Variants in ZNF730 observed in about 807,000 individuals in gnomAD.
ZNF730 encodes putative zinc finger protein 730.
A neutral mutation model predicts 12.6 loss-of-function variants in ZNF730; 12 were observed. The observed-to-expected ratio is 0.95, with a 90% CI of 0.61 to 1.54. The LOEUF (loss-of-function observed/expected upper bound fraction) is 1.54. ZNF730 is among the 40% of genes most tolerant of loss of function. The pLI, the probability that ZNF730 is intolerant of heterozygous loss-of-function variation, is 0.00. For missense variants in ZNF730, 643 were observed against 583.5 expected (o/e 1.10, Z -1.05); for synonymous variants, 194 against 195.8 (o/e 0.99, Z 0.08).
chr19:23,085,708 G>A (rs1197426118), intron 1 of ZNF730, among the ~76,000 whole-genome samples: 1 of 150,138 alleles, frequency 6.7e-6, no homozygotes, highest in Non-Finnish European at 1.5e-5. Context: ...TAGAGATAGG[G>A]TTTCACCATG....
intron 1 of ZNF730, among the ~76,000 whole-genome samples, chr19:23,075,840 G>A (rs1297362185): frequency 8.5e-5 from 13 of 152,156 alleles, no homozygotes; most frequent in African/African-American, 3.1e-4. Context: ...CCAGGGTCAA[G>A]CCTCCCAAAG....
intron 1 of ZNF730, among the ~76,000 whole-genome samples, chr19:23,125,142 G>A (rs1476954050): frequency 6.6e-6 from 1 of 152,098 alleles, no homozygotes; most frequent in African/African-American, 2.4e-5. Context: ...CCATGATTGC[G>A]AGGCCTCCCC....
At chr19:23,099,950 G>A (rs1181184322) in intron 1 of ZNF730, 1 of 152,168 alleles carries the variant, frequency 6.6e-6, no homozygotes, top group African/African-American at 2.4e-5. Context: ...GCACTCAGGT[G>A]ATGTGAGTTT....
At chr19:23,081,773 T>A (rs940192841) in intron 1 of ZNF730, among the ~76,000 whole-genome samples, 8 of 152,272 alleles carry the variant, frequency 5.3e-5, no homozygotes, top group Non-Finnish European at 7.4e-5. Flanking sequence ...TATTTATTTG[T>A]TTATAGACAG....
At chr19:23,101,495 T>A (rs1970335421) in intron 1 of ZNF730, among the ~76,000 whole-genome samples, 1 of 152,258 alleles carries the variant, frequency 6.6e-6, no homozygotes, top group Admixed American at 6.5e-5. Context: ...ATATGGAATT[T>A]CTACTCTAAT....
At chr19:23,128,430 G>A in intron 1 of ZNF730, 1 of 370,900 alleles carries the variant, frequency 2.7e-6, no homozygotes, top group Non-Finnish European at 5.1e-6. Flanking sequence ...TCTATGAGAA[G>A]AAGCCCAAGA....
intron 3 of ZNF730, chr19:23,143,822 A>G (rs976652511): frequency 3.9e-5 from 6 of 152,158 alleles, no homozygotes; most frequent in Admixed American, 2.0e-4. Flanking sequence ...CTATGTTTGT[A>G]TATGACACAT....
chr19:23,116,667 C>T (rs538995123), upstream of ZNF730, among the ~76,000 whole-genome samples: 745 of 151,656 alleles, frequency 4.9e-3, 5 homozygotes, highest in Admixed American at 7.8e-3. Flanking sequence ...ATGATCCACC[C>T]GCCTCGGCCC....
chr19:23,145,832 A>C lies in ZNF730; in HGVS notation c.788A>C (p.Lys263Thr). 1.2e-6 allele frequency: 2 copies of C among 1,602,582 alleles called. No homozygotes were observed. Among genetic ancestry groups the C allele is most frequent in the Non-Finnish European group, 8.5e-7 (1 of 1,176,006 alleles). The change falls in exon 4 of 4, where the codon AAA (lysine) becomes ACA (threonine). Residue 263 changes from lysine to threonine, a missense_variant. Transcript: ENST00000597761. ...EKPYQCEKCG[K>T]FFNQSTNLTT... ...CCCTACCAATGTGAGAAATGTGGCAAATTTTTTAACCAATCCACAAACCTT... is the reference window on the plus strand; with the variant it reads ...CCCTACCAATGTGAGAAATGTGGCACATTTTTTAACCAATCCACAAACCTT...
upstream of ZNF730, among the ~76,000 whole-genome samples, chr19:23,115,156 T>G (rs959780325): frequency 6.6e-6 from 1 of 152,074 alleles, no homozygotes; most frequent in Non-Finnish European, 1.5e-5. Flanking sequence ...AAAAACTGTC[T>G]TCTTTTGCAG....
chr19:23,135,763 A>G (rs138281532), intron 2 of ZNF730, among the ~76,000 whole-genome samples, 185 bp from the exon 3 acceptor site: 11,575 of 152,198 alleles, frequency 0.076, 562 homozygotes, highest in Non-Finnish European at 0.11. Context: ...TGCCTGCCTC[A>G]GCCTCCCAAA....
At chr19:23,142,739 T>C (rs1970941539) in intron 3 of ZNF730, among the ~76,000 whole-genome samples, 2 of 149,648 alleles carry the variant, frequency 1.3e-5, no homozygotes, top group South Asian at 4.3e-4. Flanking sequence ...GTTAATTATA[T>C]ATATTTTTAA....
At chr19:23,106,824 G>A (rs1970397408) in intron 1 of ZNF730, among the ~76,000 whole-genome samples, 1 of 151,554 alleles carries the variant, frequency 6.6e-6, no homozygotes, top group Admixed American at 6.6e-5. Context: ...GGAATGAAAG[G>A]TCTTAATTTA....
intron 3 of ZNF730, among the ~76,000 whole-genome samples, chr19:23,137,247 A>G (rs928665219): frequency 2.0e-5 from 3 of 152,152 alleles, no homozygotes; most frequent in African/African-American, 7.2e-5. Flanking sequence ...TTTTAAATTT[A>G]TTTGTGTCTT....
chr19:23,133,906 TTAGAG>T (rs1970780540), intron 1 of ZNF730, among the ~76,000 whole-genome samples, 169 bp from the exon 2 acceptor site: 1 of 152,182 alleles, frequency 6.6e-6, no homozygotes, highest in Non-Finnish European at 1.5e-5. Context: ...TTTCTCAGAG[TTAGAG>T]TATATTTTCA....
Position 23,146,354 on chromosome 19 carries a change from C to A in ZNF730, c.1310C>A (p.Ser437Ter), listed in dbSNP as rs1236681081. 1.2e-6 allele frequency: 2 copies of A among 1,613,516 alleles called. No homozygotes were observed. The highest frequency in any genetic ancestry group is 1.7e-6 in the Non-Finnish European group (2 of 1,179,844). ...TGTGGCAGAGCTTTCAACCAGTCCT[C>A]AACCCTTACTACACATAAAAGAATT... ...EECGRAFNQS[S>*]TLTTHKRIHT... The change falls in exon 4 of 4, where the codon TCA becomes TAA. Residue 437 changes from serine to a stop codon, truncating the protein, a stop_gained. Transcript: ENST00000597761. LOFTEE classifies it low-confidence loss of function (END_TRUNC).
At chr19:23,131,427 A>G (rs1599595439) in intron 1 of ZNF730, among the ~76,000 whole-genome samples, 1 of 152,392 alleles carries the variant, frequency 6.6e-6, no homozygotes, top group East Asian at 1.9e-4. Flanking sequence ...TAAACATTGC[A>G]TTACTGCATG....
intron 1 of ZNF730, among the ~76,000 whole-genome samples, chr19:23,106,971 A>G (rs1970399801): frequency 1.3e-5 from 2 of 152,102 alleles, no homozygotes; most frequent in Admixed American, 6.6e-5. Context: ...ACACACACGC[A>G]TAGTAATTAC....
In ZNF730 at chr19:23,138,282, C is replaced by CAA. The variant is rs1315758966; in HGVS notation, c.226+2259_226+2260dup. ...TGGGCGACAGAGCGAGACTCCGTCT[C>CAA]AAAAAAAAAAAAAAAAAAAAAGAAA... On this transcript the variant is annotated intron_variant, in intron 3 of 3. Transcript: ENST00000597761. Among the ~76,000 whole-genome samples, 13 of 9,400 alleles carry CAA rather than the reference C, an allele frequency of 1.4e-3. 1 individual carries two copies. Among genetic ancestry groups the CAA allele is most frequent in the African/African-American group, 2.1e-3 (8 of 3,834 alleles). 6.2% of individuals were successfully genotyped at this position (9,400 alleles called of 152,430 possible).
Sources: allele counts gnomAD v4.1 joint callset (sites outside exome capture counted in the v4.1 genomes callset), GRCh38; gene constraint gnomAD v4.1.1; transcripts MANE v1.5; gene names NCBI Gene and HGNC (gene_info 2026-07-23, HGNC 2026-07-21).